Variants in EML6 observed in about 807,000 individuals in gnomAD.
The protein encoded by EML6 is EMAP like 6, also known as echinoderm microtubule-associated protein-like 6.
A neutral mutation model predicts 240.1 loss-of-function variants in EML6; 154 were observed. That is an observed-to-expected ratio of 0.64 (90% CI 0.56 to 0.73). The LOEUF (loss-of-function observed/expected upper bound fraction) is 0.73. Ranked by LOEUF, EML6 falls within the 30% of genes least tolerant of loss-of-function variation. EML6 has a pLI of 0.00. For missense variants in EML6, 2,964 were observed against 2,474.6 expected, an observed-to-expected ratio of 1.20 and a Z score of -4.20; for synonymous variants, 1,148 against 899.0, an observed-to-expected ratio of 1.28 and a Z score of -4.95.
intron 28 of EML6, among the ~76,000 whole-genome samples, chr2:54,948,089 C>G (rs1205023694): frequency 6.6e-6 from 1 of 152,064 alleles, no homozygotes; most frequent in Non-Finnish European, 1.5e-5. Context: ...TGGTACAGTT[C>G]TTTCTCGACC....
chr2:54,919,899 C>G (rs1204470275), intron 26 of EML6, among the ~76,000 whole-genome samples: 2 of 152,196 alleles, frequency 1.3e-5, no homozygotes, highest in Non-Finnish European at 2.9e-5. Flanking sequence ...CCTGTTTCAA[C>G]AAAGTTACAC....
chr2:54,912,986 C>G (rs2104298079), intron 25 of EML6, among the ~76,000 whole-genome samples: 1 of 151,362 alleles, frequency 6.6e-6, no homozygotes, highest in Non-Finnish European at 1.5e-5. Context: ...AATCTCCAAA[C>G]TGCTTTCCAC....
rs539952232 is a variant in EML6, at chr2:54,759,796, G to C, written c.197+34538G>C. On this transcript the variant is annotated intron_variant, in intron 2 of 41. Transcript: ENST00000356458. ...ATATCCCAATGTTAGGCTGTGCTAAGGTGATCCAAGAGTGAAGTTCGAGGT... is the reference window on the plus strand; with the variant it reads ...ATATCCCAATGTTAGGCTGTGCTAACGTGATCCAAGAGTGAAGTTCGAGGT... Among the ~76,000 whole-genome samples the C allele has an allele frequency of 2.0e-5, 3 of 151,900 alleles. No homozygotes were observed. In the East Asian group the frequency reaches 5.8e-4, roughly 29 times the overall value.
intron 2 of EML6, among the ~76,000 whole-genome samples, chr2:54,805,982 T>G (rs1670451784): frequency 6.6e-6 from 1 of 152,222 alleles, no homozygotes; most frequent in Non-Finnish European, 1.5e-5. Flanking sequence ...TCTCTATGGA[T>G]TCAATTCTAT....
chr2:54,957,588 C>A (rs891758544), intron 32 of EML6, among the ~76,000 whole-genome samples: 1 of 152,184 alleles, frequency 6.6e-6, no homozygotes, highest in South Asian at 2.1e-4. Context: ...GATCTGTTAC[C>A]AGCACCTGCT....
chr2:54,948,362 G>C (rs1390968601), intron 28 of EML6, among the ~76,000 whole-genome samples: 1 of 152,148 alleles, frequency 6.6e-6, no homozygotes, highest in East Asian at 1.9e-4. Flanking sequence ...TCTGAGAAGT[G>C]AGGCCGACCT....
rs1671258615 is a variant in EML6 at position 54,871,596 on chromosome 2, G to A, written c.2335G>A (p.Asp779Asn). ...ACATCAGAGAGGAGTGTGTGCACTT[G>A]ATTTTTCAGGTAAGGTCCAGAGTGA... ...GQHQRGVCAL[D>N]FSADGKCLVS... The change falls in exon 16 of 42, where the codon GAT (aspartate) becomes AAT (asparagine). Residue 779 changes from aspartate to asparagine, a missense_variant. Coordinates refer to ENST00000356458, the MANE Select transcript of EML6 (RefSeq NM_001039753.4). 1.3e-6 allele frequency: 2 copies of A among 1,550,464 alleles called. No individual in the cohort carries two copies. The highest frequency in any genetic ancestry group is 1.7e-6 in the Non-Finnish European group (2 of 1,145,820).
At chr2:54,860,707 C>G (rs958954810) in intron 12 of EML6, among the ~76,000 whole-genome samples, 3 of 152,228 alleles carry the variant, frequency 2.0e-5, no homozygotes, top group Non-Finnish European at 4.4e-5. Context: ...GAATGTCTGT[C>G]TAGACCATAG....
chr2:54,821,175 G>A (rs919498386), intron 5 of EML6, among the ~76,000 whole-genome samples: 1 of 152,006 alleles, frequency 6.6e-6, no homozygotes, highest in African/African-American at 2.4e-5. Flanking sequence ...GAGCATGCAT[G>A]GATTCTGTAC....
chr2:54,967,940 A>C (rs1351666039), intron 39 of EML6, among the ~76,000 whole-genome samples, 188 bp from the exon 40 acceptor site: 1 of 152,168 alleles, frequency 6.6e-6, no homozygotes, highest in African/African-American at 2.4e-5. Context: ...CTCCGCCACC[A>C]CTGCTCACCT....
At chr2:54,892,795 A>G in intron 19 of EML6, 139 bp downstream of exon 19, 1 of 636,816 alleles carries the variant, frequency 1.6e-6, no homozygotes, top group African/African-American at 1.8e-5. Flanking sequence ...AGCTCAGTCA[A>G]GAGACAATAG....
At chr2:54,805,727 C>A (rs1438807260) in intron 2 of EML6, among the ~76,000 whole-genome samples, 1 of 151,954 alleles carries the variant, frequency 6.6e-6, no homozygotes, top group East Asian at 1.9e-4. Context: ...CTTGTTTGTT[C>A]TCTAAGAGAC....
At chr2:54,833,379 AG>A (rs1371638953) in intron 7 of EML6, among the ~76,000 whole-genome samples, 1 of 152,258 alleles carries the variant, frequency 6.6e-6, no homozygotes, top group African/African-American at 2.4e-5. Flanking sequence ...CCATCAAGAA[AG>A]AAGTTTTAAA....
intron 2 of EML6, among the ~76,000 whole-genome samples, chr2:54,804,843 C>T (rs1670381152): frequency 1.3e-5 from 2 of 152,270 alleles, no homozygotes; most frequent in South Asian, 4.1e-4. Flanking sequence ...TTCTTATTTT[C>T]TTTAGACATG....
chr2:54,890,841 G>A (rs1028750809), intron 17 of EML6, among the ~76,000 whole-genome samples: 2 of 152,058 alleles, frequency 1.3e-5, no homozygotes, highest in African/African-American at 2.4e-5. Context: ...ATAAACTTTG[G>A]CAGCAATATT....
chr2:54,754,486 T>G (rs1160947296), intron 2 of EML6, among the ~76,000 whole-genome samples: 1 of 152,228 alleles, frequency 6.6e-6, no homozygotes, highest in African/African-American at 2.4e-5. Context: ...CCCTCTTTTG[T>G]GAAGTGCCTC....
At chr2:54,858,090 T>A (rs1670482597) in intron 11 of EML6, among the ~76,000 whole-genome samples, 1 of 152,204 alleles carries the variant, frequency 6.6e-6, no homozygotes, top group South Asian at 2.1e-4. Context: ...GGGTCTCTCA[T>A]GAGGTTGCAG....
chr2:54,807,456 CCTAT>C (rs1291057179), intron 2 of EML6, among the ~76,000 whole-genome samples: 1 of 152,138 alleles, frequency 6.6e-6, no homozygotes, highest in African/African-American at 2.4e-5. Flanking sequence ...AACATTTTAT[CCTAT>C]CTCTTAAGTC....
At chr2:54,845,516 T>A (rs933084378) in intron 8 of EML6, among the ~76,000 whole-genome samples, 1 of 152,224 alleles carries the variant, frequency 6.6e-6, no homozygotes. Flanking sequence ...TTAATACATT[T>A]TTACACTAAG....
Sources: allele counts gnomAD v4.1 joint callset (sites outside exome capture counted in the v4.1 genomes callset), GRCh38; gene constraint gnomAD v4.1.1; transcripts MANE v1.5; gene names NCBI Gene and HGNC (gene_info 2026-07-23, HGNC 2026-07-21).